CATSPERB: variants seen among roughly 807,000 people sequenced by gnomAD.
CATSPERB encodes the protein catsper channel auxiliary subunit beta.
A neutral mutation model predicts 128.3 loss-of-function variants in CATSPERB; 93 were observed. That is an observed-to-expected ratio of 0.72 (90% CI 0.61 to 0.86). The LOEUF is 0.86. Among genes scored for constraint, CATSPERB ranks in the 40% least tolerant of loss-of-function variants. The pLI is 0.00. For missense variants in CATSPERB, 1,153 were observed against 1,329.5 expected, an observed-to-expected ratio of 0.87 and a Z score of 2.06; for synonymous variants, 381 against 448.8, an observed-to-expected ratio of 0.85 and a Z score of 1.91.
At chr14:91,603,327 G>A in intron 22 of CATSPERB, 2 of 1,581,436 alleles carry the variant, frequency 1.3e-6, no homozygotes, top group Admixed American at 3.3e-5. Context: ...AGGAAATAGT[G>A]GGGGTGGTTT....
At chr14:91,626,739 A>C (rs1045451482) in intron 17 of CATSPERB, among the ~76,000 whole-genome samples, 1 of 152,270 alleles carries the variant, frequency 6.6e-6, no homozygotes. Context: ...CCAGAACTGT[A>C]AGAAATAAAT....
intron 15 of CATSPERB, among the ~76,000 whole-genome samples, chr14:91,655,182 TGAATACTTG>T (rs540183919): frequency 3.0e-4 from 45 of 152,332 alleles, no homozygotes; most frequent in Non-Finnish European, 5.6e-4. Context: ...CAAGTCCCTT[TGAATACTTG>T]GAAAGCTTTC....
intron 14 of CATSPERB, among the ~76,000 whole-genome samples, chr14:91,663,766 T>G (rs74782643): frequency 6.6e-6 from 1 of 152,294 alleles, no homozygotes; most frequent in East Asian, 1.9e-4. Context: ...ATTTTATAAT[T>G]TTTTCTTTTT....
intron 22 of CATSPERB, among the ~76,000 whole-genome samples, chr14:91,598,205 CT>C (rs200284971): frequency 1.3e-5 from 2 of 151,552 alleles, no homozygotes; most frequent in East Asian, 1.9e-4. Flanking sequence ...ATTTTTATAA[CT>C]TTTTTTACAT....
intron 7 of CATSPERB, among the ~76,000 whole-genome samples, chr14:91,699,401 CACA>C (rs1283760917): frequency 6.6e-6 from 1 of 151,946 alleles, no homozygotes; most frequent in African/African-American, 2.4e-5. Flanking sequence ...CCATCAAAAT[CACA>C]ACATCATTTT....
chr14:91,687,681 G>A (rs1480661365), intron 10 of CATSPERB, among the ~76,000 whole-genome samples: 2 of 152,144 alleles, frequency 1.3e-5, no homozygotes, highest in African/African-American at 2.4e-5. Flanking sequence ...TAAGCTGGGT[G>A]CGGTGACTCA....
intron 14 of CATSPERB, among the ~76,000 whole-genome samples, chr14:91,661,255 C>G (rs1207333134): frequency 6.6e-6 from 1 of 152,028 alleles, no homozygotes; most frequent in Non-Finnish European, 1.5e-5. Flanking sequence ...ATTTGTCACG[C>G]AACAATGTAT....
intron 16 of CATSPERB, among the ~76,000 whole-genome samples, chr14:91,636,823 C>T (rs575216050): frequency 3.3e-5 from 5 of 152,242 alleles, no homozygotes; most frequent in East Asian, 3.9e-4. Flanking sequence ...CTATGCCCTT[C>T]GTGGATGGTT....
intron 11 of CATSPERB, among the ~76,000 whole-genome samples, chr14:91,680,669 C>A (rs12888514): frequency 6.6e-6 from 1 of 151,536 alleles, no homozygotes; most frequent in African/African-American, 2.4e-5. Flanking sequence ...GCATGACAGA[C>A]CTGGGAAAGG....
chr14:91,638,882 T>C (rs148196393), intron 16 of CATSPERB, among the ~76,000 whole-genome samples: 41 of 152,354 alleles, frequency 2.7e-4, no homozygotes, highest in African/African-American at 9.1e-4. Context: ...ATATTCTAGG[T>C]GGAATTGAAG....
At chr14:91,602,074 T>G (rs1324885081) in intron 22 of CATSPERB, among the ~76,000 whole-genome samples, 1 of 152,168 alleles carries the variant, frequency 6.6e-6, no homozygotes, top group African/African-American at 2.4e-5. Flanking sequence ...GTGGGATGAT[T>G]AATTCATATA....
chr14:91,722,041 A>T (rs1430685725), intron 4 of CATSPERB, among the ~76,000 whole-genome samples: 1 of 152,074 alleles, frequency 6.6e-6, no homozygotes, highest in Non-Finnish European at 1.5e-5. Context: ...GTCTCTAAAC[A>T]AAAAAGAAAG....
intron 9 of CATSPERB, among the ~76,000 whole-genome samples, chr14:91,692,822 G>A (rs1310187499): frequency 6.6e-6 from 1 of 151,972 alleles, no homozygotes. Flanking sequence ...AAAGCATTTG[G>A]GTAACATATA....
At chr14:91,617,481 ATGTG>A (rs945163787) in intron 20 of CATSPERB, 112 bp downstream of exon 20, 22 of 670,872 alleles carry the variant, frequency 3.3e-5, no homozygotes, top group Non-Finnish European at 4.8e-5. Flanking sequence ...CTATACTCTT[ATGTG>A]TGTATTTATA....
intron 12 of CATSPERB, among the ~76,000 whole-genome samples, chr14:91,673,728 C>G (rs1895140593): frequency 6.6e-6 from 1 of 152,160 alleles, no homozygotes; most frequent in South Asian, 2.1e-4. Context: ...ACTAAAAATA[C>G]AAAAATTAGC....
At chr14:91,609,612 A>T (rs1052326531) in intron 21 of CATSPERB, among the ~76,000 whole-genome samples, 1 of 152,232 alleles carries the variant, frequency 6.6e-6, no homozygotes, top group African/African-American at 2.4e-5. Context: ...TTAACTTTTT[A>T]TAATGGATTT....
intron 20 of CATSPERB, among the ~76,000 whole-genome samples, chr14:91,616,826 C>T (rs1893947958): frequency 7.0e-6 from 1 of 143,540 alleles, no homozygotes; most frequent in African/African-American, 2.6e-5. Flanking sequence ...ACTGCAACCT[C>T]TGCCTCCCAG....
At position 91,729,396 on chromosome 14, in the gene CATSPERB, C is replaced by T; in HGVS notation, c.79+5G>A. The T allele has an allele frequency of 2.3e-6, 3 of 1,321,512 alleles. No individual in the cohort carries two copies. The highest frequency in any genetic ancestry group is 3.2e-6 in the Non-Finnish European group (3 of 945,210). The allele number at this position is 1,321,512 out of a possible 1,614,324, so 81.9% of individuals were successfully genotyped here. ...AAATAGAGAGTAAGATGGTCTGAAA[C>T]TTACCTTTATTATATACTATTCCTG... On this transcript the variant is annotated splice_donor_5th_base_variant and intron_variant, in intron 2 of 26. Coordinates refer to ENST00000256343, the MANE Select transcript of CATSPERB (RefSeq NM_024764.4).
chr14:91,585,841 G>C (rs1041090250), intron 26 of CATSPERB, among the ~76,000 whole-genome samples: 1 of 152,142 alleles, frequency 6.6e-6, no homozygotes. Context: ...GGACATTTTT[G>C]ATGTTATGTT....
Sources: allele counts gnomAD v4.1 joint callset (sites outside exome capture counted in the v4.1 genomes callset), GRCh38; gene constraint gnomAD v4.1.1; transcripts MANE v1.5; gene names NCBI Gene and HGNC (gene_info 2026-07-23, HGNC 2026-07-21).